Variants in PSD3 observed in about 807,000 individuals in gnomAD.
The protein encoded by PSD3 is PH and SEC7 domain-containing protein 3.
A neutral mutation model predicts 105.5 loss-of-function variants in PSD3; 49 were observed. The observed-to-expected ratio is 0.46, with a 90% CI of 0.37 to 0.59. The LOEUF is 0.59. Among genes scored for constraint, PSD3 ranks in the 20% least tolerant of loss-of-function variants. PSD3 has a pLI of 0.00. For missense variants in PSD3, 1,561 were observed against 1,263.8 expected (o/e 1.24, Z -3.57); for synonymous variants, 557 against 457.8 (o/e 1.22, Z -2.77).
chr8:18,857,462 A>G (rs1489440135), intron 4 of PSD3, among the ~76,000 whole-genome samples: 2 of 152,204 alleles, frequency 1.3e-5, no homozygotes, highest in Admixed American at 1.3e-4. Flanking sequence ...GCTGCGCATC[A>G]GAATCACCGG....
intron 9 of PSD3, among the ~76,000 whole-genome samples, chr8:18,674,384 G>C (rs1799957374): frequency 6.6e-6 from 1 of 152,098 alleles, no homozygotes; most frequent in Admixed American, 6.5e-5. Flanking sequence ...AACTTAAATA[G>C]TGAACACGTC....
At chr8:18,629,518 TAAG>T (rs969125596) in intron 11 of PSD3, among the ~76,000 whole-genome samples, 1 of 151,912 alleles carries the variant, frequency 6.6e-6, no homozygotes, top group African/African-American at 2.4e-5. Context: ...TATTAAGCAA[TAAG>T]AAGAGAGAAA....
At chr8:18,816,906 G>C (rs994336356) in intron 4 of PSD3, among the ~76,000 whole-genome samples, 1 of 152,224 alleles carries the variant, frequency 6.6e-6, no homozygotes. Flanking sequence ...TATGCAAGAG[G>C]AGAGGGAGGG....
At chr8:18,583,552 C>A (rs950769487) in intron 12 of PSD3, among the ~76,000 whole-genome samples, 3 of 152,232 alleles carry the variant, frequency 2.0e-5, no homozygotes, top group Non-Finnish European at 4.4e-5. Flanking sequence ...TCAAACACCA[C>A]TGAACCTGCA....
chr8:18,709,369 A>AG (rs1802103088), intron 9 of PSD3, among the ~76,000 whole-genome samples: 1 of 152,140 alleles, frequency 6.6e-6, no homozygotes, highest in African/African-American at 2.4e-5. Context: ...CCCTGACGGG[A>AG]GGGGCGGCCA....
At chr8:18,918,572 A>G (rs1470601848) in intron 2 of PSD3, among the ~76,000 whole-genome samples, 1 of 152,358 alleles carries the variant, frequency 6.6e-6, no homozygotes, top group East Asian at 1.9e-4. Context: ...GAATGTACTG[A>G]AGGAAGTTTT....
At chr8:19,031,731 G>A (rs334199) in intron 1 of PSD3, among the ~76,000 whole-genome samples, 148,032 of 152,238 alleles carry the variant, frequency 0.97, 72,127 homozygotes, top group Middle Eastern at 1. Flanking sequence ...GTGACATTCT[G>A]ATGATCAATT....
At chr8:18,974,297 C>A (rs1824809638) in intron 1 of PSD3, among the ~76,000 whole-genome samples, 1 of 152,158 alleles carries the variant, frequency 6.6e-6, no homozygotes, top group African/African-American at 2.4e-5. Context: ...TTCAAACCAA[C>A]CTCTGAGTTA....
intron 8 of PSD3, among the ~76,000 whole-genome samples, chr8:18,767,351 A>G (rs1199153323): frequency 6.6e-6 from 1 of 152,218 alleles, no homozygotes; most frequent in Non-Finnish European, 1.5e-5. Context: ...AGCAAGATAC[A>G]TCTGTTACGA....
At chr8:18,896,338 G>C (rs937378079) in intron 2 of PSD3, among the ~76,000 whole-genome samples, 5 of 152,200 alleles carry the variant, frequency 3.3e-5, no homozygotes, top group African/African-American at 1.2e-4. Context: ...ATACCAAGTG[G>C]TAGGATTGCT....
intron 2 of PSD3, among the ~76,000 whole-genome samples, chr8:18,886,362 A>T (rs1267389536): frequency 6.6e-6 from 1 of 152,134 alleles, no homozygotes; most frequent in Non-Finnish European, 1.5e-5. Context: ...CATCTCTCTG[A>T]TGACTGGGAA....
chr8:19,014,415 A>C (rs1327611052), upstream of PSD3: 1 of 152,330 alleles, frequency 6.6e-6, no homozygotes, highest in Admixed American at 6.5e-5. This position sits in a 1 kb window ranked among gnomAD's most constrained non-coding sequence, Gnocchi z 4.9. Context: ...GAGGTCACTT[A>C]AAACTGCATT....
At chr8:18,732,685 C>A (rs1471230891) in intron 9 of PSD3, among the ~76,000 whole-genome samples, 1 of 152,234 alleles carries the variant, frequency 6.6e-6, no homozygotes, top group Non-Finnish European at 1.5e-5. Context: ...GTTACAACAG[C>A]ACCACTTCTG....
intron 12 of PSD3, among the ~76,000 whole-genome samples, chr8:18,594,973 G>GA: frequency 6.6e-6 from 1 of 151,824 alleles, no homozygotes; most frequent in Non-Finnish European, 1.5e-5. Flanking sequence ...GCATATGTAG[G>GA]AAAAATATAC....
chr8:18,870,519 G>A (rs142164460), intron 3 of PSD3, among the ~76,000 whole-genome samples: 10 of 152,174 alleles, frequency 6.6e-5, no homozygotes, highest in East Asian at 3.9e-4. Flanking sequence ...ATCACCCACC[G>A]GGCCCTGTCG....
chr8:18,772,764 C>T (rs187805955), intron 8 of PSD3, among the ~76,000 whole-genome samples: 1 of 152,286 alleles, frequency 6.6e-6, no homozygotes, highest in Non-Finnish European at 1.5e-5. Flanking sequence ...CCCACCTTGG[C>T]CTTCCAAAGT....
At chr8:18,556,116 T>G in intron 15 of PSD3, 93 bp downstream of exon 15, 1 of 1,428,490 alleles carries the variant, frequency 7.0e-7, no homozygotes, top group Non-Finnish European at 9.4e-7. Flanking sequence ...GACACGCCTC[T>G]CTCAGTGACA....
At chr8:18,719,256 G>A (rs531502925) in intron 9 of PSD3, among the ~76,000 whole-genome samples, 22 of 152,298 alleles carry the variant, frequency 1.4e-4, no homozygotes, top group Admixed American at 1.0e-3. Flanking sequence ...AATACACAGA[G>A]TTCCTCTAAA....
chr8:19,027,801 T>A (rs777637935), intron 1 of PSD3, among the ~76,000 whole-genome samples: 3 of 152,230 alleles, frequency 2.0e-5, no homozygotes, highest in Non-Finnish European at 4.4e-5. Context: ...TTGGACAGTG[T>A]TCCATTGTAT....
Sources: allele counts gnomAD v4.1 joint callset (sites outside exome capture counted in the v4.1 genomes callset), GRCh38; gene constraint gnomAD v4.1.1; non-coding constraint Gnocchi (gnomAD v3.1); transcripts MANE v1.5; gene names NCBI Gene and HGNC (gene_info 2026-07-23, HGNC 2026-07-21).